PRKCH: variants seen among roughly 807,000 people sequenced by gnomAD.
The protein encoded by PRKCH is protein kinase C eta.
A neutral mutation model predicts 82.5 loss-of-function variants in PRKCH; 28 were observed. The observed-to-expected ratio is 0.34, with a 90% CI of 0.25 to 0.47. PRKCH has a LOEUF of 0.47. Ranked by LOEUF, PRKCH falls within the 20% of genes least tolerant of loss-of-function variation. The pLI, the probability that PRKCH is intolerant of heterozygous loss-of-function variation, is 1.00. For missense variants in PRKCH, 705 were observed against 881.8 expected, an observed-to-expected ratio of 0.80 and a Z score of 2.54; for synonymous variants, 322 against 327.4, an observed-to-expected ratio of 0.98 and a Z score of 0.18.
At chr14:61,273,301 A>G (rs2045174349) in intron 1 of PRKCH, among the ~76,000 whole-genome samples, 2 of 152,256 alleles carry the variant, frequency 1.3e-5, no homozygotes, top group Non-Finnish European at 2.9e-5. Flanking sequence ...GCCAAATGTT[A>G]TAAACCAAAC....
rs371907852 is a variant in PRKCH, at chr14:61,450,832, T to A, written c.703-10T>A. On this transcript the variant is annotated splice_polypyrimidine_tract_variant and intron_variant, in intron 5 of 13. Coordinates refer to ENST00000332981, the MANE Select transcript of PRKCH (RefSeq NM_006255.5). ...TTTTAGCTCTTGTCCCTTTATTTCC[T>A]TTTTTACAGATTGCAGAACAGAGGT... The A allele has an allele frequency of 2.5e-6, 4 of 1,611,400 alleles. No individual in the cohort carries two copies. In the African/African-American group the frequency reaches 4.0e-5, roughly 16 times the overall value.
At chr14:61,312,574 G>T (rs985752711) in intron 1 of PRKCH, among the ~76,000 whole-genome samples, 2 of 152,076 alleles carry the variant, frequency 1.3e-5, no homozygotes, top group Non-Finnish European at 2.9e-5. Context: ...TTAAAAAGAG[G>T]TTTAATGGAA....
chr14:61,310,962 T>C (rs1269747094), intron 1 of PRKCH, among the ~76,000 whole-genome samples: 1 of 152,260 alleles, frequency 6.6e-6, no homozygotes, highest in African/African-American at 2.4e-5. Context: ...GAGCTGTATG[T>C]TGGCCCCTTT....
At chr14:61,355,582 A>T (rs1249741995) in intron 1 of PRKCH, among the ~76,000 whole-genome samples, 9 of 152,170 alleles carry the variant, frequency 5.9e-5, no homozygotes, top group Non-Finnish European at 1.2e-4. Flanking sequence ...TAATTTGACC[A>T]AAATTTATCT....
intron 1 of PRKCH, among the ~76,000 whole-genome samples, chr14:61,189,174 C>T (rs1213040367): frequency 6.6e-6 from 1 of 152,364 alleles, no homozygotes; most frequent in East Asian, 1.9e-4. Context: ...GCCCGGGCAG[C>T]GTCCGCGCTC....
chr14:61,310,706 C>A (rs1371587375), intron 1 of PRKCH, among the ~76,000 whole-genome samples: 1 of 152,228 alleles, frequency 6.6e-6, no homozygotes, highest in Non-Finnish European at 1.5e-5. Flanking sequence ...AGGCAGTGAC[C>A]CAATGGGGAC....
At chr14:61,522,718 G>A (rs1318785274) in intron 10 of PRKCH, among the ~76,000 whole-genome samples, 1 of 152,120 alleles carries the variant, frequency 6.6e-6, no homozygotes, top group African/African-American at 2.4e-5. Flanking sequence ...TAGTTGTGTG[G>A]TGATCTGTCT....
Position 61,248,808 on chromosome 14 carries a change from G to GTA in PRKCH, c.-19+61141_-19+61142insAT, listed in dbSNP as rs111866249. On this transcript the variant is annotated intron_variant, in intron 1 of 3. Transcript: ENST00000555185. ...TGTATGTATGTATGTATGTGTGTGTGTGTATGTATTTAGAGACAGCATCCC... is the reference window on the plus strand; with the variant it reads ...TGTATGTATGTATGTATGTGTGTGTGTATGTATGTATTTAGAGACAGCATCCC... 6.1e-4 allele frequency among the ~76,000 whole-genome samples: 92 copies of GTA among 150,902 alleles called. 2 individuals are homozygous for GTA. The highest frequency in any genetic ancestry group is 1.1e-3 in the African/African-American group (46 of 41,028).
At chr14:61,401,612 A>T (rs1388109710) in intron 2 of PRKCH, among the ~76,000 whole-genome samples, 1 of 152,216 alleles carries the variant, frequency 6.6e-6, no homozygotes, top group Non-Finnish European at 1.5e-5. Flanking sequence ...TAAAGTCATC[A>T]TTGTATTCTT....
chr14:61,199,350 C>T (rs115557656), intron 1 of PRKCH, among the ~76,000 whole-genome samples: 377 of 152,334 alleles, frequency 2.5e-3, no homozygotes, highest in African/African-American at 8.6e-3. Context: ...TTGCAAACTT[C>T]GCCCATGGTT....
intron 1 of PRKCH, among the ~76,000 whole-genome samples, chr14:61,201,487 G>T (rs2044481080): frequency 1.3e-5 from 2 of 151,934 alleles, no homozygotes; most frequent in South Asian, 4.2e-4. Context: ...ATTTTTTAAA[G>T]AATTATTCTA....
chr14:61,456,252 G>A (rs1481314966), intron 7 of PRKCH, among the ~76,000 whole-genome samples: 1 of 152,162 alleles, frequency 6.6e-6, no homozygotes, highest in Non-Finnish European at 1.5e-5. Context: ...AGGGTCTTAG[G>A]TTAGCTTGCA....
Position 61,418,446 on chromosome 14 carries a change from G to A in PRKCH, c.428-24665G>A, listed in dbSNP as rs151244839. Reference sequence around the variant, plus strand: ...TTTGGAATCTCCAGGAAGAAGGCCTGACAACCTCTGGATGAAGGATGGGAT... The same window carrying A: ...TTTGGAATCTCCAGGAAGAAGGCCTAACAACCTCTGGATGAAGGATGGGAT... On this transcript the variant is annotated intron_variant, in intron 2 of 13. Transcript: ENST00000332981. Among the ~76,000 whole-genome samples, 835 of 152,326 alleles carry A rather than the reference G, an allele frequency of 5.5e-3. 6 individuals are homozygous for A. The highest frequency in any genetic ancestry group is 0.018 in the African/African-American group (759 of 41,570).
upstream of PRKCH, among the ~76,000 whole-genome samples, chr14:61,318,127 G>A (rs2140113470): frequency 6.6e-6 from 1 of 151,940 alleles, no homozygotes; most frequent in African/African-American, 2.4e-5. Context: ...AGGCTGGAGT[G>A]CAGTAGCATG....
chr14:61,348,499 G>A (rs987995605), intron 1 of PRKCH, among the ~76,000 whole-genome samples: 2 of 152,216 alleles, frequency 1.3e-5, no homozygotes, highest in Non-Finnish European at 1.5e-5. Context: ...TTTCTGTTTA[G>A]ACTGTGTTTA....
At chr14:61,401,430 G>A (rs1466951165) in intron 2 of PRKCH, among the ~76,000 whole-genome samples, 1 of 152,194 alleles carries the variant, frequency 6.6e-6, no homozygotes, top group Non-Finnish European at 1.5e-5. Flanking sequence ...CATTCTCAAA[G>A]TGTGATCCTG....
At chr14:61,242,673 C>T (rs2044849498) in intron 1 of PRKCH, among the ~76,000 whole-genome samples, 1 of 152,312 alleles carries the variant, frequency 6.6e-6, no homozygotes, top group Non-Finnish European at 1.5e-5. Context: ...GCTGGGATTA[C>T]AGGCATGAGC....
At chr14:61,414,242 G>A (rs1254719159) in intron 2 of PRKCH, among the ~76,000 whole-genome samples, 1 of 150,934 alleles carries the variant, frequency 6.6e-6, no homozygotes, top group Non-Finnish European at 1.5e-5. Context: ...GTCCAGTCGT[G>A]TGCTGGGCAC....
chr14:61,385,113 G>A (rs1280888867), intron 1 of PRKCH, among the ~76,000 whole-genome samples: 1 of 151,428 alleles, frequency 6.6e-6, no homozygotes, highest in East Asian at 1.9e-4. Flanking sequence ...GTAGGGGAGG[G>A]GGTTAGTGTG....
Sources: allele counts gnomAD v4.1 joint callset (sites outside exome capture counted in the v4.1 genomes callset), GRCh38; gene constraint gnomAD v4.1.1; transcripts MANE v1.5; gene names NCBI Gene and HGNC (gene_info 2026-07-23, HGNC 2026-07-21).